Variants in SYK observed in about 807,000 individuals in gnomAD.
SYK encodes the protein tyrosine-protein kinase SYK.
In SYK, 16 loss-of-function variants were observed where a neutral mutation model predicts 77.8. The observed-to-expected ratio is 0.21, with a 90% confidence interval of 0.14 to 0.31. The LOEUF is 0.31. SYK is among the 10% of genes least tolerant of loss of function. The pLI, the probability that SYK is intolerant of heterozygous loss-of-function variation, is 1.00. For missense variants in SYK, 529 were observed against 814.4 expected (o/e 0.65, Z 4.26); for synonymous variants, 312 against 308.7 (o/e 1.01, Z -0.11).
intron 3 of SYK, among the ~76,000 whole-genome samples, chr9:90,850,788 A>G (rs1414781966): frequency 6.7e-6 from 1 of 149,818 alleles, no homozygotes; most frequent in African/African-American, 2.5e-5. Flanking sequence ...AAAAAAAAAG[A>G]ATTCCTGAAA....
chr9:90,879,303 G>A (rs770067103), intron 11 of SYK, among the ~76,000 whole-genome samples: 5 of 152,204 alleles, frequency 3.3e-5, no homozygotes, highest in Admixed American at 6.5e-5. Flanking sequence ...GGATTTCCCC[G>A]AAGCCCTTTT....
At position 90,874,642 on chromosome 9, in the gene SYK, C is replaced by T. The variant is rs749308537; in HGVS notation, c.1004-30C>T. ...TGAATCCTGGTGTGGGGTCCAGCCC[C>T]AGGTCGTATGTTTCTTGACTGCATT... is the stretch of plus-strand genomic sequence containing the variant. On this transcript the variant is annotated intron_variant, in intron 8 of 13. Transcript: ENST00000375754. 7 of 1,595,696 alleles carry T rather than the reference C, an allele frequency of 4.4e-6. No homozygotes were observed. The Admixed American group carries it at 1.0e-4, about 24-fold the overall frequency.
At chr9:90,879,213 A>G (rs748345868) in intron 11 of SYK, among the ~76,000 whole-genome samples, 1 of 152,222 alleles carries the variant, frequency 6.6e-6, no homozygotes, top group Non-Finnish European at 1.5e-5. Context: ...TTAAGTGAAG[A>G]TTTGTTTTGA....
intron 3 of SYK, among the ~76,000 whole-genome samples, chr9:90,850,520 A>AAT (rs1564093709): frequency 6.6e-6 from 1 of 151,978 alleles, no homozygotes; most frequent in East Asian, 1.9e-4. Context: ...CATCTCAAAA[A>AAT]ATATATATAT....
chr9:90,854,305 G>A (rs1053902173), intron 3 of SYK, among the ~76,000 whole-genome samples: 1 of 152,220 alleles, frequency 6.6e-6, no homozygotes, highest in African/African-American at 2.4e-5. Context: ...GAGGCACCTG[G>A]AGAGCTGGGC....
At chr9:90,805,197 G>A (rs539712125) in intron 1 of SYK, among the ~76,000 whole-genome samples, 3 of 152,360 alleles carry the variant, frequency 2.0e-5, no homozygotes, top group East Asian at 1.9e-4. Flanking sequence ...TGGAGCAAGC[G>A]AGGACAGTTA....
intron 3 of SYK, among the ~76,000 whole-genome samples, chr9:90,848,734 T>C (rs542337961): frequency 2.6e-5 from 4 of 152,366 alleles, no homozygotes; most frequent in East Asian, 1.9e-4. Context: ...TTCTGGACTT[T>C]GGGAAGGGAG....
At position 90,812,270 on chromosome 9, in the gene SYK, G is replaced by C. The variant is rs184793270; in HGVS notation, c.-42+10377G>C. On this transcript the variant is annotated intron_variant, in intron 1 of 13. Transcript: ENST00000375754. ...AAATGATAATAATAAGGTTTGCTTG[G>C]GGGGAAAGGGTAAGTAGGATGAGAC... Among the ~76,000 whole-genome samples, 18 of 152,114 alleles carry C rather than the reference G, an allele frequency of 1.2e-4. 1 individual carries two copies. Among genetic ancestry groups the C allele is most frequent in the Admixed American group, 2.0e-4 (3 of 15,276 alleles).
intron 1 of SYK, among the ~76,000 whole-genome samples, chr9:90,821,800 G>T (rs1459007655): frequency 1.3e-5 from 2 of 152,110 alleles, no homozygotes; most frequent in Non-Finnish European, 2.9e-5. Flanking sequence ...TGACTTTGCT[G>T]TTTAGAGTAC....
In SYK at chr9:90,895,908, C is replaced by T; in HGVS notation, c.*308C>T. ...TTTCCAAATCCCTTTCATGTCTTTC[C>T]ACTTCTCTGGGTCCCGGGGTGCATT... On this transcript the variant is annotated 3_prime_UTR_variant, in exon 14 of 14. Transcript: ENST00000375754. This position sits in a 1 kb window ranked among gnomAD's most constrained non-coding sequence, Gnocchi z 4.4. 1 of 385,184 alleles carries T rather than the reference C, an allele frequency of 2.6e-6. No individual in the cohort carries two copies. Among genetic ancestry groups the T allele is most frequent in the Non-Finnish European group, 4.9e-6 (1 of 204,052 alleles). The allele number at this position is 385,184 out of a possible 1,614,324, so 23.9% of individuals were successfully genotyped here. A position where few individuals can be genotyped will look rare whatever the true frequency, so the allele number is the denominator to read the frequency against.
intron 3 of SYK, among the ~76,000 whole-genome samples, chr9:90,856,034 G>A (rs760708408): frequency 3.9e-5 from 6 of 152,178 alleles, no homozygotes; most frequent in Non-Finnish European, 7.4e-5. Context: ...GACTGGTTCC[G>A]ATAAAGTTAT....
At chr9:90,891,203 T>TGG (rs1294167982) in intron 13 of SYK, among the ~76,000 whole-genome samples, 1 of 142,064 alleles carries the variant, frequency 7.0e-6, no homozygotes, top group Non-Finnish European at 1.5e-5. Flanking sequence ...TGGAGTGCAG[T>TGG]GGCGCGATCT....
intron 7 of SYK, among the ~76,000 whole-genome samples, chr9:90,867,453 G>A (rs1476234693): frequency 6.6e-6 from 1 of 152,174 alleles, no homozygotes. Context: ...GTGCTCAAGC[G>A]TCATTTTAAA....
At chr9:90,812,525 C>T (rs1564067861) in intron 1 of SYK, among the ~76,000 whole-genome samples, 3 of 152,196 alleles carry the variant, frequency 2.0e-5, no homozygotes, top group Admixed American at 2.0e-4. Flanking sequence ...TTCTTAAAGC[C>T]ACTCCTACTC....
chr9:90,840,023 C>A (rs1172292212), intron 1 of SYK, among the ~76,000 whole-genome samples: 1 of 152,038 alleles, frequency 6.6e-6, no homozygotes, highest in Non-Finnish European at 1.5e-5. Flanking sequence ...AGCAGGAGGG[C>A]AGAAGGTGAG....
In SYK at chr9:90,877,206, C is replaced by T. The variant is rs115184622; in HGVS notation, c.1182-365C>T. ...CTGGGACTACAGGCTTGCACTGTCACACCTGGGTGATTTTTTTTAGAGATG... is the reference window on the plus strand; with the variant it reads ...CTGGGACTACAGGCTTGCACTGTCATACCTGGGTGATTTTTTTTAGAGATG... On this transcript the variant is annotated intron_variant, in intron 9 of 13. Coordinates refer to ENST00000375754, the MANE Select transcript of SYK (RefSeq NM_003177.7). Among the ~76,000 whole-genome samples, 857 of 152,230 alleles carry T rather than the reference C, an allele frequency of 5.6e-3. 7 individuals are homozygous for T. The highest frequency in any genetic ancestry group is 0.02 in the African/African-American group (825 of 41,544).
chr9:90,875,781 C>T (rs2118875988), intron 9 of SYK, among the ~76,000 whole-genome samples: 1 of 152,090 alleles, frequency 6.6e-6, no homozygotes, highest in Non-Finnish European at 1.5e-5. Flanking sequence ...AGAAGGTACC[C>T]AACATAGAAT....
intron 1 of SYK, among the ~76,000 whole-genome samples, chr9:90,804,955 G>GT (rs5899105): frequency 0.31 from 47,216 of 151,098 alleles, 7,873 homozygotes; most frequent in African/African-American, 0.43. Context: ...TCAATTTGAG[G>GT]TTTTTTTTTC....
intron 3 of SYK, 30 bp from the exon 4 acceptor site, chr9:90,862,176 G>A (rs756201692): frequency 1.3e-6 from 2 of 1,573,664 alleles, no homozygotes; most frequent in Admixed American, 3.5e-5. Context: ...GGCGGGCCTG[G>A]GGATGATGCA....
Sources: gnomAD v4.1 joint callset for allele counts (sites outside exome capture counted in the v4.1 genomes callset) on GRCh38, gnomAD v4.1.1 for gene constraint, Gnocchi (gnomAD v3.1) non-coding constraint, MANE v1.5 for transcripts, NCBI Gene and HGNC (gene_info 2026-07-23, HGNC 2026-07-21) for gene names.